VARS1: variants seen among roughly 807,000 people sequenced by gnomAD.
The protein encoded by VARS1 is valine--tRNA ligase.
In VARS1, 92 loss-of-function variants were observed where a neutral mutation model predicts 161.0. That is an observed-to-expected ratio of 0.57 (90% CI 0.48 to 0.68). The LOEUF (loss-of-function observed/expected upper bound fraction) is 0.68, where lower values mean the gene tolerates loss of function less well. VARS1 is among the 30% of genes least tolerant of loss of function. The probability of loss-of-function intolerance (pLI) is 0.00; values close to 1 mark genes in which losing one functional copy is unlikely to be tolerated. For synonymous variants in VARS1, 595 were observed against 682.5 expected (o/e 0.87, Z 2.00); for missense variants, 1,338 against 1,695.9 (o/e 0.79, Z 3.71).
Position 31,780,518 on chromosome 6 carries a change from A to G in VARS1, c.2848T>C (p.Cys950Arg). The G allele has an allele frequency of 6.2e-7, 1 of 1,614,078 alleles. No homozygotes were observed. The highest frequency in any genetic ancestry group is 8.5e-7 in the Non-Finnish European group (1 of 1,180,012). Residue 950 changes from cysteine (C) to arginine (R), a missense_variant, in exon 25 of 30, where the codon TGC (cysteine) becomes CGC (arginine). Around this residue, in one of 3 missense-constraint regions of VARS1, gnomAD observed 433 missense variants for 586.2 expected, o/e 0.74. Coordinates refer to ENST00000375663, the MANE Select transcript of VARS1 (RefSeq NM_006295.3). The surrounding 1 kb of genome is among the most constrained non-coding windows in gnomAD (Gnocchi z 5.1). Reference protein sequence around the residue: ...VNRILGYRHFCNKLWNATKFA... With the variant: ...VNRILGYRHFRNKLWNATKFA... ...TTGGTGGCATTCCAGAGCTTGTTGC[A>G]GAAGTGGCGGTAACCCAGTATCCGG...
At position 31,778,430 on chromosome 6, in the gene VARS1, CG is replaced by C. The variant is rs1812883842; in HGVS notation, c.3726+536del. 6.6e-6 allele frequency among the ~76,000 whole-genome samples: 1 copy of C among 152,228 alleles called. No homozygotes were observed. The highest frequency in any genetic ancestry group is 6.5e-5 in the Admixed American group (1 of 15,282). ...GGCCTTCTATGGTCCCTGCTCAAAGCGCCTGGGCTCCATGCTCCCCAGTGGA... is the reference window on the plus strand; with the variant it reads ...GGCCTTCTATGGTCCCTGCTCAAAGCCCTGGGCTCCATGCTCCCCAGTGGA... On this transcript the variant is annotated intron_variant, in intron 29 of 29. Transcript: ENST00000375663. The surrounding 1 kb of genome is among the most constrained non-coding windows in gnomAD (Gnocchi z 5.1).
Position 31,794,844 on chromosome 6 carries a change from G to A in VARS1, c.374C>T (p.Ala125Val). The A allele has an allele frequency of 6.2e-7, 1 of 1,603,912 alleles. No homozygotes were observed. Among genetic ancestry groups the A allele is most frequent in the Non-Finnish European group, 8.5e-7 (1 of 1,173,546 alleles). Residue 125 changes from alanine (A) to valine (V), a missense_variant, in exon 2 of 30, where the codon GCC becomes GTC. Physicochemically the swap from Ala to Val is moderately conservative, Grantham distance 64 (BLOSUM62 0). Transcript: ENST00000375663. ...CAACCCCCTCACCTGGGGGTCCTGG[G>A]CCGAGCTTCGGAGTCCCAGGGCCGG... ...TLPALGLRSSAQDPQAVLGAL... is the reference protein window; with the variant it reads ...TLPALGLRSSVQDPQAVLGAL...
rs372884147 is a variant in VARS1 at position 31,777,673 on chromosome 6, A to G, written c.3727-11T>C. 4.3e-6 allele frequency: 7 copies of G among 1,612,416 alleles called. No individual in the cohort carries two copies. The highest frequency in any genetic ancestry group is 5.9e-6 in the Non-Finnish European group (7 of 1,179,288). On this transcript the variant is annotated splice_polypyrimidine_tract_variant and intron_variant, in intron 29 of 29. Transcript: ENST00000375663. The surrounding 1 kb of genome is among the most constrained non-coding windows in gnomAD (Gnocchi z 5.8). The stretch of plus-strand genomic sequence containing the variant: ...TTCTGTCTGTTGGAGCTGGAGTGGA[A>G]CCAGGGGGTGGGTGAGGACCCAGGT...
rs759436288 is a variant in VARS1 at position 31,784,680 on chromosome 6, C to T, written c.1382G>A (p.Arg461Gln). The part of the protein sequence containing the change: ...LSAAVTEAFV[R>Q]LHEEGIIYRS... ...ATAGATGATGCCTTCCTCGTGAAGC[C>T]GGACAAAGGCCTCTGTCACAGCTGC... Residue 461 changes from arginine to glutamine, a missense_variant, in exon 11 of 30, where the codon CGG becomes CAG. By Grantham distance (43) the Arg-to-Gln change is conservative. Around this residue, in one of 3 missense-constraint regions of VARS1, gnomAD observed 902 missense variants for 1,090.3 expected, o/e 0.83. Coordinates refer to ENST00000375663, the MANE Select transcript of VARS1 (RefSeq NM_006295.3). This position sits in a 1 kb window ranked among gnomAD's most constrained non-coding sequence, Gnocchi z 6.1. 3.7e-5 allele frequency: 60 copies of T among 1,612,826 alleles called. No homozygotes were observed. The highest frequency in any genetic ancestry group is 1.8e-4 in the Admixed American group (11 of 59,988).
chr6:31,786,665 C>CAAAA (rs9279417), intron 8 of VARS1, among the ~76,000 whole-genome samples: 4 of 31,604 alleles, frequency 1.3e-4, no homozygotes, highest in Non-Finnish European at 1.1e-4. Flanking sequence ...GACTCTGTCT[C>CAAAA]AAAAAAAAAA....
rs1262794071 is a variant in VARS1 at position 31,780,277 on chromosome 6, A to G, written c.2926-124T>C. On this transcript the variant is annotated intron_variant, in intron 25 of 29. Transcript: ENST00000375663. The surrounding 1 kb of genome is among the most constrained non-coding windows in gnomAD (Gnocchi z 5.1). ...AGTCCAAAGCAACCACCTATGTGCC[A>G]GGATCTGGGAAGAAGTGACAGGCCC... 2.0e-6 allele frequency: 3 copies of G among 1,520,518 alleles called. No individual in the cohort carries two copies. In the African/African-American group the frequency reaches 4.1e-5, roughly 21 times the overall value. The allele number at this position is 1,520,518 out of a possible 1,614,324, so 94.2% of individuals were successfully genotyped here. A position where few individuals can be genotyped will look rare whatever the true frequency, so the allele number is the denominator to read the frequency against.
At position 31,779,433 on chromosome 6, in the gene VARS1, C is replaced by G. The variant is rs1368016403; in HGVS notation, c.3392G>C (p.Arg1131Pro). ...LRADYNLTRI[R>P]PDCFLEVADE... is the part of the protein sequence containing the mutation. ...GGGGGCCTGAGGCTCACAGTCAGGC[C>G]GGATCCGGGTGAGGTTGTAGTCGGC... is the stretch of plus-strand genomic sequence containing the variant. The change falls in exon 28 of 30, where the codon CGG becomes CCG. Residue 1131 changes from arginine to proline, a missense_variant. Coordinates refer to ENST00000375663, the MANE Select transcript of VARS1 (RefSeq NM_006295.3). The surrounding 1 kb of genome is among the most constrained non-coding windows in gnomAD (Gnocchi z 9.1). 5.6e-6 allele frequency: 9 copies of G among 1,611,612 alleles called. No homozygotes were observed. The highest frequency in any genetic ancestry group is 7.6e-6 in the Non-Finnish European group (9 of 1,179,968).
chr6:31,795,328 G>C lies in VARS1; in HGVS notation c.-33-78C>G. The stretch of plus-strand genomic sequence containing the variant: ...TTTGAGTAGAGAGGGGACCCTCACG[G>C]GAGCTCCTTCGCCGCAGACACCCGA... On this transcript the variant is annotated intron_variant, in intron 1 of 29. Transcript: ENST00000375663. The surrounding 1 kb of genome is among the most constrained non-coding windows in gnomAD (Gnocchi z 6.9). The C allele has an allele frequency of 3.7e-6, 4 of 1,085,772 alleles. No homozygotes were observed. Among genetic ancestry groups the C allele is most frequent in the Non-Finnish European group, 4.8e-6 (4 of 840,676 alleles). The allele number at this position is 1,085,772 out of a possible 1,614,324, so 67.3% of individuals were successfully genotyped here.
chr6:31,777,761 G>T lies in VARS1; in HGVS notation c.3727-99C>A. 1 of 1,419,274 alleles carries T rather than the reference G, an allele frequency of 7.0e-7. No individual in the cohort carries two copies. The highest frequency in any genetic ancestry group is 9.7e-7 in the Non-Finnish European group (1 of 1,029,034). The allele number at this position is 1,419,274 out of a possible 1,614,324, so 87.9% of individuals were successfully genotyped here. A position where few individuals can be genotyped will look rare whatever the true frequency, so the allele number is the denominator to read the frequency against. On this transcript the variant is annotated intron_variant, in intron 29 of 29. Coordinates refer to ENST00000375663, the MANE Select transcript of VARS1 (RefSeq NM_006295.3). This position sits in a 1 kb window ranked among gnomAD's most constrained non-coding sequence, Gnocchi z 5.8. The stretch of plus-strand genomic sequence containing the variant: ...GTTGGAAAGATGAGCGAGGACCATG[G>T]GAGGTCAGTAGCTCAGAGGAGGCGT...
intron 13 of VARS1, among the ~76,000 whole-genome samples, chr6:31,783,482 C>A (rs1337350711): frequency 6.6e-6 from 1 of 151,826 alleles, no homozygotes; most frequent in African/African-American, 2.4e-5. Context: ...TGCACTCTAG[C>A]CTGGGCGATA....
chr6:31,784,513 G>C lies in VARS1; in HGVS notation c.1468-11C>G, dbSNP rs1181862106. 6.2e-7 allele frequency: 1 copy of C among 1,613,948 alleles called. No homozygotes were observed. The highest frequency in any genetic ancestry group is 8.5e-7 in the Non-Finnish European group (1 of 1,180,046). On this transcript the variant is annotated splice_polypyrimidine_tract_variant and intron_variant, in intron 11 of 29. Coordinates refer to ENST00000375663, the MANE Select transcript of VARS1 (RefSeq NM_006295.3). This position sits in a 1 kb window ranked among gnomAD's most constrained non-coding sequence, Gnocchi z 6.1. The stretch of plus-strand genomic sequence containing the variant: ...CTCCTTCTTATCCACCTGTAAAATG[G>C]GTATTTAGAGGCGTGGCCCAGGGGC...
At position 31,779,493 on chromosome 6, in the gene VARS1, G is replaced by A. The variant is rs746517180; in HGVS notation, c.3332C>T (p.Ala1111Val). 8.8e-5 allele frequency: 142 copies of A among 1,612,698 alleles called. No homozygotes were observed. Among genetic ancestry groups the A allele is most frequent in the South Asian group, 7.6e-4 (69 of 91,086 alleles). ...DPEAEAALELALSITRAVRSL... is the reference protein window; with the variant it reads ...DPEAEAALELVLSITRAVRSL... ...GCGCACGGCTCGCGTGATGCTTAGC[G>A]CCAGCTCAAGGGCGGCTTCTGCCTC... Residue 1111 changes from alanine (A) to valine (V), a missense_variant, in exon 28 of 30, where the codon GCG becomes GTG. Transcript: ENST00000375663. The surrounding 1 kb of genome is among the most constrained non-coding windows in gnomAD (Gnocchi z 9.1).
chr6:31,784,606 A>G lies in VARS1; in HGVS notation c.1456T>C (p.Ser486Pro), dbSNP rs758050525. 1 of 1,613,238 alleles carries G rather than the reference A, an allele frequency of 6.2e-7. No homozygotes were observed. Among genetic ancestry groups the G allele is most frequent in the Non-Finnish European group, 8.5e-7 (1 of 1,180,028 alleles). The change falls in exon 11 of 30, where the codon TCT becomes CCT. Residue 486 changes from serine to proline, a missense_variant. Around this residue, in one of 3 missense-constraint regions of VARS1, gnomAD observed 902 missense variants for 1,090.3 expected, o/e 0.83. Coordinates refer to ENST00000375663, the MANE Select transcript of VARS1 (RefSeq NM_006295.3). This position sits in a 1 kb window ranked among gnomAD's most constrained non-coding sequence, Gnocchi z 6.1. ...NWSCTLNSAI[S>P]DIEVDKKELT... ...GTTGGGGGGCGCACCTCAATGTCAG[A>G]GATGGCGGAGTTGAGGGTGCAGGAC...
chr6:31,780,345 T>G lies in VARS1; in HGVS notation c.2925+96A>C, dbSNP rs1001402319. ...GGCTTTCCCTTTAACTGTCTGTCTC[T>G]GTGTCTATCTGTCCCCCCAGCTACA... On this transcript the variant is annotated intron_variant, in intron 25 of 29. Transcript: ENST00000375663. This position sits in a 1 kb window ranked among gnomAD's most constrained non-coding sequence, Gnocchi z 5.1. 1.3e-6 allele frequency: 2 copies of G among 1,551,094 alleles called. No homozygotes were observed. Among genetic ancestry groups the G allele is most frequent in the Non-Finnish European group, 8.7e-7 (1 of 1,148,746 alleles).
rs548042700 is a variant in VARS1, at chr6:31,779,233, C to A, written c.3460G>T (p.Val1154Leu). 7 of 1,605,952 alleles carry A rather than the reference C, an allele frequency of 4.4e-6. No individual in the cohort carries two copies. In the South Asian group the frequency reaches 6.6e-5, roughly 15 times the overall value. ...ACACCTGCGCTGGCCAGGGCCTGCACGTAGCCCGACACCGCCGATGCCAGG... is the reference window on the plus strand; with the variant it reads ...ACACCTGCGCTGGCCAGGGCCTGCAAGTAGCCCGACACCGCCGATGCCAGG... Reference protein sequence around the residue: ...GALASAVSGYVQALASAGVVA... With the variant: ...GALASAVSGYLQALASAGVVA... The change falls in exon 29 of 30, where the codon GTG becomes TTG. Residue 1154 changes from valine to leucine, a missense_variant. Physicochemically the swap from Val to Leu is conservative, Grantham distance 32 (BLOSUM62 1). Coordinates refer to ENST00000375663, the MANE Select transcript of VARS1 (RefSeq NM_006295.3). The surrounding 1 kb of genome is among the most constrained non-coding windows in gnomAD (Gnocchi z 9.1).
Position 31,791,550 on chromosome 6 carries a change from G to A in VARS1, c.1100+60C>T. 6.5e-7 allele frequency: 1 copy of A among 1,548,182 alleles called. No homozygotes were observed. The highest frequency in any genetic ancestry group is 8.7e-7 in the Non-Finnish European group (1 of 1,148,004). Reference sequence around the variant, plus strand: ...GAGAGAGGCTCGGGGGGCTGTCAGGGAAAAGGAGAGAGCCAGACTAGGCAG... The same window carrying A: ...GAGAGAGGCTCGGGGGGCTGTCAGGAAAAAGGAGAGAGCCAGACTAGGCAG... On this transcript the variant is annotated intron_variant, in intron 8 of 29. Transcript: ENST00000375663. The surrounding 1 kb of genome is among the most constrained non-coding windows in gnomAD (Gnocchi z 5.0).
chr6:31,789,737 C>T (rs1454077505), intron 8 of VARS1, among the ~76,000 whole-genome samples: 2 of 152,182 alleles, frequency 1.3e-5, no homozygotes, highest in Admixed American at 1.3e-4. Context: ...TACACTAACA[C>T]TGGCTGGGAG....
Position 31,791,938 on chromosome 6 carries a change from G to A in VARS1, c.905C>T (p.Pro302Leu). 1 of 1,602,856 alleles carries A rather than the reference G, an allele frequency of 6.2e-7. No individual in the cohort carries two copies. Among genetic ancestry groups the A allele is most frequent in the Non-Finnish European group, 8.5e-7 (1 of 1,173,634 alleles). ...GTACCAGGCAGCCTCCACATACCGAGGGCTGTAGGAGTCGGGCATGGGGCC... is the reference window on the plus strand; with the variant it reads ...GTACCAGGCAGCCTCCACATACCGAAGGCTGTAGGAGTCGGGCATGGGGCC... ...VSGPMPDSYS[P>L]RYVEAAWYPW... is the part of the protein sequence containing the mutation. Residue 302 changes from proline to leucine, a missense_variant, in exon 7 of 30, where the codon CCT (proline) becomes CTT (leucine). Physicochemically the swap from Pro to Leu is moderately conservative, Grantham distance 98 (BLOSUM62 -3). Coordinates refer to ENST00000375663, the MANE Select transcript of VARS1 (RefSeq NM_006295.3). The surrounding 1 kb of genome is among the most constrained non-coding windows in gnomAD (Gnocchi z 5.0).
intron 8 of VARS1, among the ~76,000 whole-genome samples, chr6:31,789,519 A>G (rs750717902): frequency 2.6e-5 from 4 of 152,232 alleles, no homozygotes; most frequent in Non-Finnish European, 4.4e-5. Context: ...GGAGGTATCA[A>G]TCAGCAAAGC....
Sources: allele counts gnomAD v4.1 joint callset (sites outside exome capture counted in the v4.1 genomes callset), GRCh38; gene constraint gnomAD v4.1.1; regional missense constraint gnomAD v4.1.1; non-coding constraint Gnocchi (gnomAD v3.1); transcripts MANE v1.5; gene names NCBI Gene and HGNC (gene_info 2026-07-23, HGNC 2026-07-21).